The following LRP6 variants were observed in gnomAD, a reference collection of about 807,000 sequenced individuals.
The protein encoded by LRP6 is LDL receptor related protein 6, also known as low-density lipoprotein receptor-related protein 6.
In LRP6, 43 loss-of-function variants were observed where a neutral mutation model predicts 184.1. That is an observed-to-expected ratio of 0.23 (90% confidence interval 0.18 to 0.30). The LOEUF is 0.30. Among genes scored for constraint, LRP6 ranks in the 10% least tolerant of loss-of-function variants. LRP6 has a pLI of 1.00. For synonymous variants in LRP6, 719 were observed against 684.9 expected, an observed-to-expected ratio of 1.05 and a Z score of -0.78; for missense variants, 1,571 against 2,005.3, an observed-to-expected ratio of 0.78 and a Z score of 4.14.
At chr12:12,190,086 A>C (rs1311094517) in intron 3 of LRP6, among the ~76,000 whole-genome samples, 1 of 152,240 alleles carries the variant, frequency 6.6e-6, no homozygotes, top group African/African-American at 2.4e-5. Flanking sequence ...GAAAATATGT[A>C]ATTAACAGAG....
intron 18 of LRP6, among the ~76,000 whole-genome samples, chr12:12,131,096 C>CTTTTTTTTTTTTTTTTTTTTTTT (rs1949746766): frequency 9.5e-6 from 1 of 105,350 alleles, no homozygotes; most frequent in African/African-American, 3.4e-5. Context: ...AATTTCCTAA[C>CTTTTTTTTTTTTTTTTTTTTTTT]ATTTTTTTTT....
intron 2 of LRP6, among the ~76,000 whole-genome samples, chr12:12,210,280 G>C (rs755664601): frequency 7.9e-5 from 12 of 152,252 alleles, no homozygotes; most frequent in Non-Finnish European, 1.2e-4. Context: ...GAATGAGAAA[G>C]GATAGACTAG....
At chr12:12,200,468 G>A (rs898896423) in intron 3 of LRP6, among the ~76,000 whole-genome samples, 2 of 152,108 alleles carry the variant, frequency 1.3e-5, no homozygotes, top group East Asian at 3.9e-4. Flanking sequence ...CATCTCACTG[G>A]TACTGCCACC....
In LRP6 at chr12:12,147,347, A is replaced by T. The variant is rs775342520; in HGVS notation, c.3397+19T>A. 6.2e-7 allele frequency: 1 copy of T among 1,612,752 alleles called. No individual in the cohort carries two copies. The highest frequency in any genetic ancestry group is 1.7e-5 in the Admixed American group (1 of 59,994). On this transcript the variant is annotated intron_variant, in intron 15 of 22. Transcript: ENST00000261349. ...CTTAAAAACTCAAATTAAAATAAGG[A>T]AACATATTTCTTGGGTACCTGAGAG...
intron 4 of LRP6, among the ~76,000 whole-genome samples, chr12:12,186,340 A>C (rs1863473631): frequency 6.6e-6 from 1 of 152,226 alleles, no homozygotes; most frequent in East Asian, 1.9e-4. Flanking sequence ...GACAGGCTAC[A>C]AAATGGTCTA....
chr12:12,262,474 C>G (rs1237223209), intron 1 of LRP6, among the ~76,000 whole-genome samples: 1 of 151,528 alleles, frequency 6.6e-6, no homozygotes, highest in Non-Finnish European at 1.5e-5. Flanking sequence ...AGGAGAATCG[C>G]TTGAACCAAG....
intron 16 of LRP6, among the ~76,000 whole-genome samples, chr12:12,136,433 G>A (rs1591873565): frequency 6.6e-6 from 1 of 152,284 alleles, no homozygotes; most frequent in Middle Eastern, 3.4e-3. Context: ...TTGGTCAACT[G>A]CAAAAGGTAA....
chr12:12,138,538 G>T lies in LRP6; in HGVS notation c.3398-4C>A. On this transcript the variant is annotated splice_polypyrimidine_tract_variant and splice_region_variant and intron_variant, in intron 15 of 22. Transcript: ENST00000261349. ...TCTAATACTATCCGGTTAGCACCTT[G>T]GAAAAGGAGAAAATTCAACAGAAAT... is the stretch of plus-strand genomic sequence containing the variant. The T allele has an allele frequency of 6.2e-7, 1 of 1,611,764 alleles. No homozygotes were observed.
Position 12,266,986 on chromosome 12 carries a change from C to A in LRP6, c.-251G>T. ...TCCCGCCGCCTCCTCCCCCGGCGCC[C>A]CGCTTCCCCCGCGCAGCTCCTCATT... On this transcript the variant is annotated 5_prime_UTR_variant, in exon 1 of 23. Transcript: ENST00000261349. 2 of 532,112 alleles carry A rather than the reference C, an allele frequency of 3.8e-6. No homozygotes were observed. Among genetic ancestry groups the A allele is most frequent in the Admixed American group, 3.9e-5 (1 of 25,562 alleles). The allele number at this position is 532,112 out of a possible 1,614,324, so 33.0% of individuals were successfully genotyped here. A position where few individuals can be genotyped will look rare whatever the true frequency, so the allele number is the denominator to read the frequency against.
intron 1 of LRP6, chr12:12,249,193 TA>T: frequency 4.0e-6 from 3 of 752,792 alleles, no homozygotes; most frequent in South Asian, 1.5e-5. Flanking sequence ...AGCCTTAAAA[TA>T]AAATGTGGAC....
rs1949762712 is a variant in LRP6 at position 12,131,814 on chromosome 12, T to C, written c.3970+7A>G. On this transcript the variant is annotated splice_region_variant and intron_variant, in intron 18 of 22. Transcript: ENST00000261349. ...TGCATGCTGAGGCACTGAAGAATTC[T>C]GGATACCTTCACAGTTCTTCTCATC... 1 of 1,611,260 alleles carries C rather than the reference T, an allele frequency of 6.2e-7. No individual in the cohort carries two copies. The highest frequency in any genetic ancestry group is 1.3e-5 in the African/African-American group (1 of 74,894).
Position 12,185,841 on chromosome 12 carries a change from T to TG in LRP6, c.844+1081_844+1082insC, listed in dbSNP as rs111760207. 2.5e-4 allele frequency among the ~76,000 whole-genome samples: 26 copies of TG among 102,468 alleles called. No homozygotes were observed. The South Asian group carries it at 4.4e-3, about 17-fold the overall frequency. The allele number at this position is 102,468 out of a possible 152,430, so 67.2% of individuals were successfully genotyped here. ...AGAGGCGTTTTTGTGTGTGTGTGTG[T>TG]TTTTTGTTTTTTTTTTTTTTGAGAC... On this transcript the variant is annotated intron_variant, in intron 4 of 22. Coordinates refer to ENST00000261349, the MANE Select transcript of LRP6 (RefSeq NM_002336.3).
intron 12 of LRP6, among the ~76,000 whole-genome samples, chr12:12,156,321 C>T (rs1950152475): frequency 6.6e-6 from 1 of 152,068 alleles, no homozygotes; most frequent in South Asian, 2.1e-4. Context: ...AGTCATGAAG[C>T]GGGAGTACCC....
chr12:12,266,573 T>G, intron 1 of LRP6, 108 bp downstream of exon 1: 4 of 626,310 alleles, frequency 6.4e-6, no homozygotes, highest in Non-Finnish European at 1.1e-5. Context: ...CTCTCCCCGC[T>G]CCTCTCCCCT....
chr12:12,253,548 G>C (rs1329473302), intron 1 of LRP6, among the ~76,000 whole-genome samples: 1 of 151,436 alleles, frequency 6.6e-6, no homozygotes, highest in Non-Finnish European at 1.5e-5. Context: ...TACATTAGGT[G>C]TATCTCCTAA....
chr12:12,206,737 G>A (rs1195763304), intron 2 of LRP6, among the ~76,000 whole-genome samples: 1 of 151,776 alleles, frequency 6.6e-6, no homozygotes, highest in Non-Finnish European at 1.5e-5. Flanking sequence ...GCAAGATGCT[G>A]TCTCTATTTT....
chr12:12,184,063 A>G lies in LRP6; in HGVS notation c.893T>C (p.Leu298Ser). ...ATAAAAAGGCTTGACTGGAGACATC[A>G]AACACAAATGGGAACAACCCCCATT... ...IDNGGCSHLC[L>S]MSPVKPFYQC... Residue 298 changes from leucine (L) to serine (S), a missense_variant, in exon 5 of 23, where the codon TTG becomes TCG. Leu to Ser is a moderately radical substitution (Grantham distance 145). Transcript: ENST00000261349. 1 of 1,613,808 alleles carries G rather than the reference A, an allele frequency of 6.2e-7. No individual in the cohort carries two copies. The highest frequency in any genetic ancestry group is 8.5e-7 in the Non-Finnish European group (1 of 1,179,694).
intron 19 of LRP6, among the ~76,000 whole-genome samples, chr12:12,128,233 A>G (rs1269880350): frequency 3.9e-5 from 6 of 152,198 alleles, no homozygotes; most frequent in Non-Finnish European, 8.8e-5. Context: ...TTCTCTTTAA[A>G]AAAAAGTCTG....
At chr12:12,236,997 G>A (rs929968574) in intron 2 of LRP6, among the ~76,000 whole-genome samples, 10 of 152,072 alleles carry the variant, frequency 6.6e-5, no homozygotes, top group African/African-American at 2.4e-4. Context: ...AGGATGTGAA[G>A]TGGAGCTGAA....
Sources: gnomAD v4.1 joint callset for allele counts (sites outside exome capture counted in the v4.1 genomes callset) on GRCh38, gnomAD v4.1.1 for gene constraint, MANE v1.5 for transcripts, NCBI Gene and HGNC (gene_info 2026-07-23, HGNC 2026-07-21) for gene names.